The following BLK variants were observed in gnomAD, a reference collection of about 807,000 sequenced individuals.
The protein encoded by BLK is BLK proto-oncogene, Src family tyrosine kinase.
A neutral mutation model predicts 61.8 loss-of-function variants in BLK; 64 were observed. The observed-to-expected ratio is 1.03, with a 90% CI of 0.85 to 1.27. BLK has a LOEUF of 1.27. Ranked by LOEUF, BLK falls within the 50% of genes most tolerant of loss-of-function variation. BLK has a pLI of 0.00. For synonymous variants in BLK, 351 were observed against 272.0 expected (o/e 1.29, Z -2.86); for missense variants, 853 against 660.5 (o/e 1.29, Z -3.19).
At chr8:11,555,225 G>C in intron 7 of BLK, 107 bp from the exon 8 acceptor site, 1 of 1,435,100 alleles carries the variant, frequency 7.0e-7, no homozygotes, top group Non-Finnish European at 9.7e-7. Flanking sequence ...CCATGCAGGG[G>C]GTGGGGTGGC....
chr8:11,563,999 C>G lies in BLK; in HGVS notation c.1409C>G (p.Ala470Gly). The G allele has an allele frequency of 6.2e-7, 1 of 1,605,838 alleles. No homozygotes were observed. The highest frequency in any genetic ancestry group is 8.5e-7 in the Non-Finnish European group (1 of 1,179,250). ...CPPELYRGVIAECWRSRPEER... is the reference protein window; with the variant it reads ...CPPELYRGVIGECWRSRPEER... Reference sequence around the variant, plus strand: ...CCCGAGCTGTACCGCGGCGTCATCGCCGAGTGCTGGCGCAGCCGGCCCGAG... The same window carrying G: ...CCCGAGCTGTACCGCGGCGTCATCGGCGAGTGCTGGCGCAGCCGGCCCGAG... Residue 470 changes from alanine (A) to glycine (G), a missense_variant, in exon 13 of 13, where the codon GCC (alanine) becomes GGC (glycine). Coordinates refer to ENST00000259089, the MANE Select transcript of BLK (RefSeq NM_001715.3).
rs62490880 is a variant in BLK, at chr8:11,556,384, C to T, written c.773-274C>T. On this transcript the variant is annotated intron_variant, in intron 8 of 12. Transcript: ENST00000259089. ...AGGGGTGGGGGAAGGACACAGGTTCCGTGCAGGACAGAAGGACACAGGCCC... is the reference window on the plus strand; with the variant it reads ...AGGGGTGGGGGAAGGACACAGGTTCTGTGCAGGACAGAAGGACACAGGCCC... 0.11 allele frequency: 55,256 copies of T among 486,532 alleles called. 3,475 individuals carry two copies. Among genetic ancestry groups the T allele is most frequent in the South Asian group, 0.14 (6,818 of 47,594 alleles). The allele number at this position is 486,532 out of a possible 1,614,324, so 30.1% of individuals were successfully genotyped here. A position where few individuals can be genotyped will look rare whatever the true frequency, so the allele number is the denominator to read the frequency against.
intron 1 of BLK, among the ~76,000 whole-genome samples, chr8:11,500,142 A>T (rs1314643357): frequency 1.3e-5 from 2 of 152,180 alleles, no homozygotes; most frequent in African/African-American, 4.8e-5. Flanking sequence ...CAGTTATAGA[A>T]ATAGCTTATT....
intron 3 of BLK, among the ~76,000 whole-genome samples, chr8:11,547,412 G>A (rs545369584): frequency 9.2e-5 from 14 of 152,296 alleles, no homozygotes; most frequent in Admixed American, 3.9e-4. Flanking sequence ...GAGAGCCTGC[G>A]TCACAGCAGG....
intron 2 of BLK, among the ~76,000 whole-genome samples, chr8:11,544,554 A>G (rs7828916): frequency 0.4 from 60,912 of 152,012 alleles, 12,948 homozygotes; most frequent in East Asian, 0.74. Context: ...AAATGGGGAA[A>G]CTTGGACTTA....
chr8:11,543,567 G>C lies in BLK; in HGVS notation c.123+220G>C, dbSNP rs78230723. Among the ~76,000 whole-genome samples the C allele has an allele frequency of 2.3e-3, 349 of 152,296 alleles. 2 individuals carry two copies. Among genetic ancestry groups the C allele is most frequent in the South Asian group, 8.5e-3 (41 of 4,826 alleles). On this transcript the variant is annotated intron_variant, in intron 2 of 12. Transcript: ENST00000259089. ...GAGCTCATTTCTCGAGGGCAGCCTT[G>C]AAAAGAAAAAGAAATGTAAAAAGGT...
At chr8:11,548,353 C>A (rs1204784198) in intron 4 of BLK, among the ~76,000 whole-genome samples, 1 of 152,228 alleles carries the variant, frequency 6.6e-6, no homozygotes. Flanking sequence ...CCTTCAAAGT[C>A]CACGTTCCAT....
chr8:11,556,724 C>T lies in BLK; in HGVS notation c.839C>T (p.Ala280Val), dbSNP rs760755773. 1 of 1,614,164 alleles carries T rather than the reference C, an allele frequency of 6.2e-7. No homozygotes were observed. The highest frequency in any genetic ancestry group is 1.3e-5 in the African/African-American group (1 of 75,026). The change falls in exon 9 of 13, where the codon GCC (alanine) becomes GTC (valine). Residue 280 changes from alanine (A) to valine (V), a missense_variant. Transcript: ENST00000259089. ...AAGGAGGGAACCATGTCTCCAGAAG[C>T]CTTTCTGGGTGAGGCCAACGTGATG... ...TLKEGTMSPE[A>V]FLGEANVMKA...
chr8:11,551,245 A>G (rs1474948650), intron 6 of BLK, among the ~76,000 whole-genome samples: 2 of 152,208 alleles, frequency 1.3e-5, no homozygotes, highest in Non-Finnish European at 2.9e-5. Context: ...GGCTTCCACC[A>G]CAGAAGCTTA....
At chr8:11,527,267 T>G (rs1799695800) in intron 1 of BLK, among the ~76,000 whole-genome samples, 1 of 152,188 alleles carries the variant, frequency 6.6e-6, no homozygotes, top group South Asian at 2.1e-4. Flanking sequence ...GTAAATAACA[T>G]TCCACAAAAT....
intron 1 of BLK, among the ~76,000 whole-genome samples, chr8:11,513,873 C>A (rs906508517): frequency 6.6e-6 from 1 of 152,172 alleles, no homozygotes; most frequent in Non-Finnish European, 1.5e-5. Flanking sequence ...GGTAATGGAG[C>A]AGCTGGGCCC....
At chr8:11,502,111 G>A (rs1387154980) in intron 1 of BLK, among the ~76,000 whole-genome samples, 2 of 152,126 alleles carry the variant, frequency 1.3e-5, no homozygotes, top group East Asian at 1.9e-4. Context: ...GAGTACTTCC[G>A]CCTTATAGAC....
intron 1 of BLK, among the ~76,000 whole-genome samples, chr8:11,512,217 T>A (rs1287246809): frequency 6.6e-6 from 1 of 152,166 alleles, no homozygotes; most frequent in Non-Finnish European, 1.5e-5. Context: ...GGTACAGAGT[T>A]GGTGATGTGT....
intron 1 of BLK, among the ~76,000 whole-genome samples, chr8:11,541,750 G>A (rs1190316310): frequency 2.6e-5 from 4 of 152,086 alleles, no homozygotes; most frequent in South Asian, 2.1e-4. Flanking sequence ...TGCCCGCCTC[G>A]GCCTTCCAAA....
chr8:11,524,164 T>C (rs1056440860), intron 1 of BLK, among the ~76,000 whole-genome samples: 1 of 152,204 alleles, frequency 6.6e-6, no homozygotes, highest in Non-Finnish European at 1.5e-5. Flanking sequence ...CATGCAGTTA[T>C]TCATATGGTT....
intron 1 of BLK, among the ~76,000 whole-genome samples, chr8:11,524,424 G>C (rs1424404786): frequency 2.6e-5 from 4 of 152,164 alleles, no homozygotes; most frequent in East Asian, 1.9e-4. Flanking sequence ...TAAAAAATGA[G>C]ATTGAAAAGT....
At chr8:11,506,615 T>C (rs1313637700) in intron 1 of BLK, among the ~76,000 whole-genome samples, 2 of 152,324 alleles carry the variant, frequency 1.3e-5, no homozygotes, top group East Asian at 1.9e-4. Flanking sequence ...GACCTCTCAA[T>C]TCAGGGTCTT....
intron 10 of BLK, chr8:11,560,886 C>A (rs559336757): frequency 7.9e-5 from 37 of 466,146 alleles, no homozygotes; most frequent in African/African-American, 5.7e-4. Flanking sequence ...GCCTCCAGCT[C>A]CAGGAGCTGT....
chr8:11,504,986 A>T (rs1798713770), intron 1 of BLK, among the ~76,000 whole-genome samples: 1 of 152,176 alleles, frequency 6.6e-6, no homozygotes, highest in Non-Finnish European at 1.5e-5. Flanking sequence ...GCACACAGAC[A>T]CATAGATACA....
Sources: allele counts gnomAD v4.1 joint callset (sites outside exome capture counted in the v4.1 genomes callset), GRCh38; gene constraint gnomAD v4.1.1; transcripts MANE v1.5; gene names NCBI Gene and HGNC (gene_info 2026-07-23, HGNC 2026-07-21).